The following CTNNBL1 variants were observed in gnomAD, a reference collection of about 807,000 sequenced individuals.
The protein encoded by CTNNBL1 is beta-catenin-like protein 1.
In CTNNBL1, 31 loss-of-function variants were observed where a neutral mutation model predicts 72.7. That is an observed-to-expected ratio of 0.43 (90% CI 0.32 to 0.58). The LOEUF (loss-of-function observed/expected upper bound fraction) is 0.58. CTNNBL1 is among the 20% of genes least tolerant of loss of function. The pLI is 0.08. For missense variants in CTNNBL1, 534 were observed against 725.1 expected (o/e 0.74, Z 3.03); for synonymous variants, 240 against 267.3 (o/e 0.90, Z 1.00).
At chr20:37,766,566 G>A (rs1219836211) in intron 6 of CTNNBL1, among the ~76,000 whole-genome samples, 1 of 152,192 alleles carries the variant, frequency 6.6e-6, no homozygotes, top group East Asian at 1.9e-4. Flanking sequence ...AAGAGGAAGA[G>A]CCTCCAAATT....
rs6096206 is a variant in CTNNBL1, at chr20:37,782,119, T to C, written c.1031+2784T>C. Among the ~76,000 whole-genome samples, 1,326 of 152,294 alleles carry C rather than the reference T, an allele frequency of 8.7e-3. 18 individuals are homozygous for C. Among genetic ancestry groups the C allele is most frequent in the African/African-American group, 0.03 (1,251 of 41,570 alleles). On this transcript the variant is annotated intron_variant, in intron 10 of 15. Transcript: ENST00000361383. ...CAGTTGCAAAACACTGCTAAGGTAC[T>C]ATGTTAACTTTCTACGTTAAGTGCT...
intron 13 of CTNNBL1, among the ~76,000 whole-genome samples, chr20:37,847,577 C>T (rs1048004412): frequency 6.6e-6 from 1 of 152,182 alleles, no homozygotes; most frequent in Non-Finnish European, 1.5e-5. Context: ...GGAAGGCATC[C>T]TGACTTCTTG....
intron 6 of CTNNBL1, among the ~76,000 whole-genome samples, chr20:37,765,699 G>GT (rs1346014669): frequency 6.6e-6 from 1 of 152,108 alleles, no homozygotes; most frequent in Non-Finnish European, 1.5e-5. Flanking sequence ...GGACCATTCT[G>GT]TACCTTTGTA....
At chr20:37,820,403 CCTT>C (rs985278865) in intron 11 of CTNNBL1, among the ~76,000 whole-genome samples, 34 of 152,296 alleles carry the variant, frequency 2.2e-4, no homozygotes, top group Admixed American at 2.0e-3. Flanking sequence ...ATAACGACAA[CCTT>C]CTTCTCCTTA....
chr20:37,709,884 A>T (rs1438214484), intron 1 of CTNNBL1, among the ~76,000 whole-genome samples: 1 of 152,228 alleles, frequency 6.6e-6, no homozygotes, highest in African/African-American at 2.4e-5. Context: ...CCCTTCAGAA[A>T]CAGACTTTCC....
chr20:37,698,113 A>C (rs1181552270), intron 1 of CTNNBL1, among the ~76,000 whole-genome samples: 1 of 152,190 alleles, frequency 6.6e-6, no homozygotes, highest in East Asian at 1.9e-4. Context: ...ATTGTATCTG[A>C]GGGTTCAATC....
chr20:37,828,898 G>GA (rs1003869914), intron 11 of CTNNBL1, among the ~76,000 whole-genome samples: 3 of 152,116 alleles, frequency 2.0e-5, no homozygotes, highest in African/African-American at 4.8e-5. Context: ...TGTAAGAAGG[G>GA]AAAAAAATAA....
chr20:37,804,903 A>G (rs1333405019), intron 11 of CTNNBL1, among the ~76,000 whole-genome samples: 1 of 152,210 alleles, frequency 6.6e-6, no homozygotes, highest in Non-Finnish European at 1.5e-5. Flanking sequence ...AGTGAGGGCA[A>G]TGGCTTGGTA....
In CTNNBL1 at chr20:37,799,122, C is replaced by A. The variant is rs548557315; in HGVS notation, c.1032-3745C>A. 3.6e-4 allele frequency among the ~76,000 whole-genome samples: 55 copies of A among 152,246 alleles called. No individual in the cohort carries two copies. In the South Asian group the frequency reaches 0.011, roughly 32 times the overall value. Reference sequence around the variant, plus strand: ...TTTCATACCATTGCTGTAGTCAGAACCTTTGGTCATTTCTCATTTTTGTTG... The same window carrying A: ...TTTCATACCATTGCTGTAGTCAGAAACTTTGGTCATTTCTCATTTTTGTTG... On this transcript the variant is annotated intron_variant, in intron 10 of 15. Coordinates refer to ENST00000361383, the MANE Select transcript of CTNNBL1 (RefSeq NM_030877.5).
At chr20:37,839,132 G>T (rs1465948266) in intron 11 of CTNNBL1, among the ~76,000 whole-genome samples, 2 of 152,178 alleles carry the variant, frequency 1.3e-5, no homozygotes, top group Non-Finnish European at 2.9e-5. Flanking sequence ...GGGAAACGAG[G>T]GGATGGGGAA....
intron 1 of CTNNBL1, among the ~76,000 whole-genome samples, chr20:37,725,029 C>T (rs994918925): frequency 2.6e-5 from 4 of 151,566 alleles, no homozygotes; most frequent in Non-Finnish European, 5.9e-5. Context: ...CCTCAGCCTC[C>T]TGAGTAGTTG....
intron 1 of CTNNBL1, among the ~76,000 whole-genome samples, chr20:37,711,357 G>T (rs994956970): frequency 8.6e-5 from 13 of 151,696 alleles, no homozygotes; most frequent in African/African-American, 3.2e-4. Context: ...CAGATTTTGG[G>T]GCGGTTAGCA....
At chr20:37,798,587 G>C (rs562509118) in intron 10 of CTNNBL1, among the ~76,000 whole-genome samples, 2 of 152,268 alleles carry the variant, frequency 1.3e-5, no homozygotes, top group East Asian at 3.9e-4. Flanking sequence ...CCTCCATGCT[G>C]CTTGCCTAAG....
chr20:37,742,866 C>T (rs1277119309), intron 3 of CTNNBL1, among the ~76,000 whole-genome samples: 2 of 152,142 alleles, frequency 1.3e-5, no homozygotes, highest in South Asian at 2.1e-4. Context: ...TGCAGTGGCA[C>T]GATCTTAGCT....
chr20:37,806,994 T>G (rs2071965689), intron 11 of CTNNBL1, among the ~76,000 whole-genome samples: 1 of 152,204 alleles, frequency 6.6e-6, no homozygotes, highest in Admixed American at 6.5e-5. Flanking sequence ...GCATCTATTT[T>G]GGTCCCTCAG....
intron 1 of CTNNBL1, among the ~76,000 whole-genome samples, chr20:37,725,555 T>C (rs1187475381): frequency 8.3e-6 from 1 of 120,808 alleles, no homozygotes; most frequent in African/African-American, 3.1e-5. Flanking sequence ...CTGCCTTGCC[T>C]CCCAAAGTGC....
chr20:37,841,732 T>C (rs1170705369), intron 12 of CTNNBL1, among the ~76,000 whole-genome samples: 1 of 152,200 alleles, frequency 6.6e-6, no homozygotes, highest in Non-Finnish European at 1.5e-5. Flanking sequence ...CCACTGAGTG[T>C]TCCTCAAGCC....
intron 1 of CTNNBL1, among the ~76,000 whole-genome samples, chr20:37,701,911 TGTGTGGC>T: frequency 6.8e-6 from 1 of 148,008 alleles, no homozygotes; most frequent in East Asian, 2.0e-4. Context: ...CAGCTGCAGA[TGTGTGGC>T]GTAATACATT....
At chr20:37,852,472 T>A (rs1262419244) in intron 13 of CTNNBL1, among the ~76,000 whole-genome samples, 3 of 152,178 alleles carry the variant, frequency 2.0e-5, no homozygotes, top group Non-Finnish European at 2.9e-5. Context: ...GTTGCGGTGG[T>A]GAAGTGTGTC....
Sources: gnomAD v4.1 joint callset for allele counts (sites outside exome capture counted in the v4.1 genomes callset) on GRCh38, gnomAD v4.1.1 for gene constraint, MANE v1.5 for transcripts, NCBI Gene and HGNC (gene_info 2026-07-23, HGNC 2026-07-21) for gene names.